Variants in ITGBL1 observed in about 807,000 individuals in gnomAD.
The protein encoded by ITGBL1 is integrin subunit beta like 1.
In ITGBL1, 51 loss-of-function variants were observed where a neutral mutation model predicts 68.5. The ratio of observed to expected loss-of-function variants is 0.74; its 90% CI spans 0.59 to 0.94. The LOEUF (loss-of-function observed/expected upper bound fraction) is 0.94, where lower values mean the gene tolerates loss of function less well. Ranked by LOEUF, ITGBL1 falls within the 40% of genes least tolerant of loss-of-function variation. The probability of loss-of-function intolerance (pLI) is 0.00; values close to 1 mark genes in which losing one functional copy is unlikely to be tolerated. For missense variants in ITGBL1, 649 were observed against 647.4 expected (o/e 1.00, Z -0.03); for synonymous variants, 209 against 227.3 (o/e 0.92, Z 0.72).
At chr13:101,519,107 T>A (rs2049242378) in intron 2 of ITGBL1, among the ~76,000 whole-genome samples, 1 of 152,162 alleles carries the variant, frequency 6.6e-6, no homozygotes, top group South Asian at 2.1e-4. Flanking sequence ...AAAATACGTA[T>A]GTTCAAATCC....
intron 7 of ITGBL1, among the ~76,000 whole-genome samples, chr13:101,678,606 TCTC>T (rs1338595805): frequency 4.6e-5 from 7 of 151,944 alleles, no homozygotes; most frequent in South Asian, 2.1e-4. Context: ...TTCATGCAGT[TCTC>T]CTGCCTCAGC....
At chr13:101,694,748 GTC>G in intron 8 of ITGBL1, among the ~76,000 whole-genome samples, 1 of 152,128 alleles carries the variant, frequency 6.6e-6, no homozygotes, top group Admixed American at 6.6e-5. Context: ...TGTTTTTTCT[GTC>G]TATTTGTTGC....
intron 3 of ITGBL1, 106 bp from the exon 4 acceptor site, chr13:101,575,318 A>T (rs1320493221): frequency 9.4e-7 from 1 of 1,065,836 alleles, no homozygotes; most frequent in East Asian, 2.4e-5. Flanking sequence ...TTGAAATATT[A>T]AATTGATTTG....
chr13:101,461,431 C>T (rs991730443), intron 2 of ITGBL1, among the ~76,000 whole-genome samples: 7 of 152,052 alleles, frequency 4.6e-5, no homozygotes, highest in African/African-American at 1.7e-4. Flanking sequence ...TGGCTCACAT[C>T]GCCTGTAATC....
Position 101,602,955 on chromosome 13 carries a change from G to A in ITGBL1, c.1015+4656G>A, listed in dbSNP as rs954149322. On this transcript the variant is annotated intron_variant, in intron 7 of 10. Transcript: ENST00000376180. ...TATCCTGTTGTATGGATACACCACC[G>A]TTATTTAACCCTTCATCAGTTAATG... 5.9e-5 allele frequency among the ~76,000 whole-genome samples: 9 copies of A among 151,934 alleles called. No individual in the cohort carries two copies. The East Asian group carries it at 1.2e-3, about 20-fold the overall frequency.
intron 2 of ITGBL1, among the ~76,000 whole-genome samples, chr13:101,557,257 C>T (rs535002999): frequency 6.6e-6 from 1 of 152,312 alleles, no homozygotes; most frequent in African/African-American, 2.4e-5. Context: ...CACTGGAAGG[C>T]ATGTTAAATA....
intron 2 of ITGBL1, among the ~76,000 whole-genome samples, chr13:101,544,927 C>A (rs540012520): frequency 6.6e-6 from 1 of 152,254 alleles, no homozygotes; most frequent in African/African-American, 2.4e-5. Context: ...GAAAAGTGAC[C>A]CGATTTTCCA....
chr13:101,560,802 A>T (rs2050086987), intron 2 of ITGBL1, among the ~76,000 whole-genome samples: 1 of 152,170 alleles, frequency 6.6e-6, no homozygotes, highest in African/African-American at 2.4e-5. Flanking sequence ...TATTTCCAAT[A>T]TACATGTAAA....
intron 7 of ITGBL1, among the ~76,000 whole-genome samples, chr13:101,607,076 T>A (rs550381633): frequency 9.8e-4 from 149 of 151,936 alleles, no homozygotes; most frequent in African/African-American, 3.4e-3. Flanking sequence ...AAAAAAACCA[T>A]GCATATATTT....
rs571911127 is a variant in ITGBL1, at chr13:101,531,611, G to T, written c.317-36088G>T. Among the ~76,000 whole-genome samples the T allele has an allele frequency of 2.8e-4, 35 of 124,078 alleles. 3 individuals are homozygous for T. The highest frequency in any genetic ancestry group is 8.7e-4 in the African/African-American group (32 of 36,966). 81.4% of individuals were successfully genotyped at this position (124,078 alleles called of 152,430 possible). On this transcript the variant is annotated intron_variant, in intron 2 of 10. Coordinates refer to ENST00000376180, the MANE Select transcript of ITGBL1 (RefSeq NM_004791.3). ...CGATTACTTCATAGCGTATTTTTTG[G>T]GGGGAGGGGATTTACTTTATTTCTT...
intron 7 of ITGBL1, among the ~76,000 whole-genome samples, chr13:101,604,386 G>T (rs1226135030): frequency 6.6e-6 from 1 of 151,848 alleles, no homozygotes; most frequent in African/African-American, 2.4e-5. Flanking sequence ...AAAAGGTGTT[G>T]AGTAAATGTA....
intron 7 of ITGBL1, among the ~76,000 whole-genome samples, chr13:101,613,782 G>C (rs1445922299): frequency 6.6e-6 from 1 of 152,118 alleles, no homozygotes; most frequent in East Asian, 1.9e-4. Context: ...GACTTGATTT[G>C]TCTGCAATAT....
intron 7 of ITGBL1, 121 bp downstream of exon 7, chr13:101,598,420 T>C: frequency 1.5e-6 from 1 of 687,092 alleles, no homozygotes; most frequent in East Asian, 3.2e-5. Context: ...GTTTTTTTGT[T>C]TTTTATTTTT....
chr13:101,595,826 G>A (rs1009479038), intron 6 of ITGBL1, among the ~76,000 whole-genome samples: 7 of 152,112 alleles, frequency 4.6e-5, no homozygotes, highest in Non-Finnish European at 8.8e-5. Context: ...ATATGATCTA[G>A]GAATTTCTGG....
chr13:101,643,817 A>G (rs2032469980), intron 7 of ITGBL1, among the ~76,000 whole-genome samples: 1 of 152,138 alleles, frequency 6.6e-6, no homozygotes, highest in South Asian at 2.1e-4. Flanking sequence ...ATAAGTTCTT[A>G]TAAATAAGTG....
intron 7 of ITGBL1, among the ~76,000 whole-genome samples, chr13:101,676,615 A>G (rs2033509363): frequency 1.3e-5 from 2 of 152,152 alleles, no homozygotes; most frequent in Non-Finnish European, 2.9e-5. Context: ...GGTAGAAGTC[A>G]CTTTCCAATG....
At position 101,512,353 on chromosome 13, in the gene ITGBL1, G is replaced by A. The variant is rs548809428; in HGVS notation, c.317-55346G>A. On this transcript the variant is annotated intron_variant, in intron 2 of 10. Transcript: ENST00000376180. The stretch of plus-strand genomic sequence containing the variant: ...CCATCCAGGAAATTTCTGTCTCCAC[G>A]TCTCTTCTAAGATTTACCTGTACTT... Among the ~76,000 whole-genome samples the A allele has an allele frequency of 2.6e-5, 4 of 152,118 alleles. No individual in the cohort carries two copies. In the South Asian group the frequency reaches 6.2e-4, roughly 24 times the overall value.
intron 2 of ITGBL1, among the ~76,000 whole-genome samples, chr13:101,552,218 C>T (rs1444209680): frequency 2.0e-5 from 3 of 152,092 alleles, no homozygotes; most frequent in Non-Finnish European, 4.4e-5. Flanking sequence ...GTGTTTAGTC[C>T]TCAAGAAAGG....
intron 7 of ITGBL1, among the ~76,000 whole-genome samples, chr13:101,642,805 A>G (rs906415655): frequency 6.6e-6 from 1 of 151,916 alleles, no homozygotes; most frequent in African/African-American, 2.4e-5. Context: ...TCCCAGCACC[A>G]TTTATTAAAT....
Sources: gnomAD v4.1 joint callset for allele counts (sites outside exome capture counted in the v4.1 genomes callset) on GRCh38, gnomAD v4.1.1 for gene constraint, MANE v1.5 for transcripts, NCBI Gene and HGNC (gene_info 2026-07-23, HGNC 2026-07-21) for gene names.